The following SEMA5A variants were observed in gnomAD, a reference collection of about 807,000 sequenced individuals.
SEMA5A encodes semaphorin 5A.
Under a neutral mutation model 135.5 loss-of-function variants are expected in SEMA5A, and 55 were observed. The ratio of observed to expected loss-of-function variants is 0.41; its 90% CI spans 0.33 to 0.51. SEMA5A has a LOEUF of 0.51. Ranked by LOEUF, SEMA5A falls within the 20% of genes least tolerant of loss-of-function variation. The pLI, the probability that SEMA5A is intolerant of heterozygous loss-of-function variation, is 0.37. For synonymous variants in SEMA5A, 580 were observed against 546.5 expected (o/e 1.06, Z -0.85); for missense variants, 1,290 against 1,419.9 (o/e 0.91, Z 1.47).
intron 2 of SEMA5A, among the ~76,000 whole-genome samples, chr5:9,434,256 A>G (rs1220993723): frequency 6.6e-6 from 1 of 152,216 alleles, no homozygotes; most frequent in South Asian, 2.1e-4. Context: ...AGCAGTATGC[A>G]GAATTTTATG....
intron 22 of SEMA5A, chr5:9,043,231 G>GGTTAA (rs1736058640): frequency 2.3e-6 from 1 of 434,988 alleles, no homozygotes; most frequent in Non-Finnish European, 4.0e-6. Context: ...GATATCTTCT[G>GGTTAA]GTTAAGTTTT....
At chr5:9,236,667 GAT>G (rs1484716989) in intron 6 of SEMA5A, among the ~76,000 whole-genome samples, 1 of 152,142 alleles carries the variant, frequency 6.6e-6, no homozygotes, top group Non-Finnish European at 1.5e-5. Context: ...TTATATCTCT[GAT>G]GATTTAACTC....
chr5:9,433,007 T>C (rs984989006), intron 2 of SEMA5A, among the ~76,000 whole-genome samples: 2 of 152,170 alleles, frequency 1.3e-5, no homozygotes, highest in Non-Finnish European at 2.9e-5. Flanking sequence ...AATAAAAGAA[T>C]GAGAAAATTT....
At chr5:9,285,834 A>C (rs1164150691) in intron 5 of SEMA5A, among the ~76,000 whole-genome samples, 1 of 152,220 alleles carries the variant, frequency 6.6e-6, no homozygotes, top group East Asian at 1.9e-4. Flanking sequence ...CTTCATGGGG[A>C]GCAAAAGGAA....
rs1313175191 is a variant in SEMA5A, at chr5:9,224,770, C to G, written c.550G>C (p.Ala184Pro). 1.4e-5 allele frequency: 22 copies of G among 1,614,022 alleles called. No individual in the cohort carries two copies. Among genetic ancestry groups the G allele is most frequent in the Non-Finnish European group, 1.9e-5 (22 of 1,180,042 alleles). The change falls in exon 8 of 23, where the codon GCC (alanine) becomes CCC (proline). Residue 184 changes from alanine to proline, a missense_variant. Coordinates refer to ENST00000382496, the MANE Select transcript of SEMA5A (RefSeq NM_003966.3). ...GGATCACGTCCTGGAAAATCCATGG[C>G]TGTAGCAGCATAGAGCTCCCCACCA... ...TAGGELYAAT[A>P]MDFPGRDPAI...
intron 1 of SEMA5A, among the ~76,000 whole-genome samples, chr5:9,474,422 C>A (rs895517576): frequency 6.6e-6 from 1 of 151,208 alleles, no homozygotes; most frequent in Non-Finnish European, 1.5e-5. Context: ...GCCTTCCCAC[C>A]AGGAAACAGG....
intron 1 of SEMA5A, among the ~76,000 whole-genome samples, chr5:9,515,537 C>T (rs561848519): frequency 1.3e-5 from 2 of 152,232 alleles, no homozygotes; most frequent in African/African-American, 4.8e-5. Flanking sequence ...GGAGAACGTG[C>T]AATGTTCCCA....
chr5:9,377,198 A>G (rs1279339048), intron 3 of SEMA5A, among the ~76,000 whole-genome samples: 2 of 152,148 alleles, frequency 1.3e-5, no homozygotes, highest in Admixed American at 6.5e-5. Context: ...AATGTTACAC[A>G]GAAACAAGTC....
At chr5:9,272,803 G>A (rs535782497) in intron 5 of SEMA5A, among the ~76,000 whole-genome samples, 3 of 152,122 alleles carry the variant, frequency 2.0e-5, no homozygotes, top group Non-Finnish European at 4.4e-5. Context: ...AACAAACAAA[G>A]GAATGGTATC....
chr5:9,490,798 C>A (rs1201348212), intron 1 of SEMA5A, among the ~76,000 whole-genome samples: 1 of 152,178 alleles, frequency 6.6e-6, no homozygotes, highest in Non-Finnish European at 1.5e-5. Context: ...ACAATGACCT[C>A]ACACTTAGGC....
intron 1 of SEMA5A, among the ~76,000 whole-genome samples, chr5:9,503,123 AAG>A (rs3842079): frequency 5.3e-5 from 8 of 150,720 alleles, no homozygotes; most frequent in Non-Finnish European, 7.4e-5. Flanking sequence ...AATAGCATAA[AAG>A]AGAGAGAGAG....
intron 2 of SEMA5A, among the ~76,000 whole-genome samples, chr5:9,402,478 T>C (rs182421869): frequency 6.7e-6 from 1 of 149,934 alleles, no homozygotes; most frequent in Admixed American, 6.8e-5. Context: ...TTCTCTTTTT[T>C]CTTCTTCTAA....
intron 3 of SEMA5A, among the ~76,000 whole-genome samples, chr5:9,339,243 GC>G (rs1459008546): frequency 6.6e-6 from 1 of 152,234 alleles, no homozygotes; most frequent in African/African-American, 2.4e-5. Flanking sequence ...GTTTATAGGG[GC>G]TTGTGGGGTT....
At chr5:9,121,259 T>C (rs1281838816) in intron 14 of SEMA5A, among the ~76,000 whole-genome samples, 1 of 152,228 alleles carries the variant, frequency 6.6e-6, no homozygotes, top group African/African-American at 2.4e-5. Flanking sequence ...TTCTAAATGC[T>C]GCTTAGAGGC....
At chr5:9,209,886 T>A (rs1187763009) in intron 8 of SEMA5A, among the ~76,000 whole-genome samples, 1 of 152,210 alleles carries the variant, frequency 6.6e-6, no homozygotes, top group Non-Finnish European at 1.5e-5. Context: ...TAAACTGGGA[T>A]GCTTTTAAGA....
chr5:9,094,190 C>T (rs777301275), intron 16 of SEMA5A, among the ~76,000 whole-genome samples: 11 of 152,190 alleles, frequency 7.2e-5, no homozygotes, highest in Non-Finnish European at 1.6e-4. Flanking sequence ...ATGTAGTCAA[C>T]ATGTTTTCAT....
At position 9,063,042 on chromosome 5, in the gene SEMA5A, G is replaced by A. The variant is rs529745531; in HGVS notation, c.2363C>T (p.Ser788Leu). 2.5e-6 allele frequency: 4 copies of A among 1,614,192 alleles called. No homozygotes were observed. The African/African-American group carries it at 5.3e-5, about 22-fold the overall frequency. ...YSAHTVNGAW[S>L]AWTSWSQCSR... ...GCACTGTGACCACGACGTCCAGGCT[G>A]ACCAAGCCCCGTTGACCGTGTGGGC... Residue 788 changes from serine (S) to leucine (L), a missense_variant, in exon 18 of 23, where the codon TCA becomes TTA. Around this residue, in one of 3 missense-constraint regions of SEMA5A, gnomAD observed 1,029 missense variants for 1,086.6 expected, o/e 0.95. Transcript: ENST00000382496.
At chr5:9,206,830 A>T (rs1746046391) in intron 8 of SEMA5A, among the ~76,000 whole-genome samples, 1 of 150,654 alleles carries the variant, frequency 6.6e-6, no homozygotes, top group African/African-American at 2.4e-5. Flanking sequence ...TGGACCATTG[A>T]CATCTGATAT....
chr5:9,099,065 C>T (rs747582158), intron 16 of SEMA5A, among the ~76,000 whole-genome samples: 1 of 152,116 alleles, frequency 6.6e-6, no homozygotes, highest in Non-Finnish European at 1.5e-5. Flanking sequence ...ATACCAATTG[C>T]AATTTCCAGA....
Sources: gnomAD v4.1 joint callset for allele counts (sites outside exome capture counted in the v4.1 genomes callset) on GRCh38, gnomAD v4.1.1 for gene constraint, gnomAD v4.1.1 regional missense constraint, MANE v1.5 for transcripts, NCBI Gene and HGNC (gene_info 2026-07-23, HGNC 2026-07-21) for gene names.